Variants in SLC6A3 observed in about 807,000 individuals in gnomAD.
The protein encoded by SLC6A3 is solute carrier family 6 member 3.
A neutral mutation model predicts 70.4 loss-of-function variants in SLC6A3; 19 were observed. The ratio of observed to expected loss-of-function variants is 0.27; its 90% CI spans 0.19 to 0.40. The LOEUF is 0.40. Ranked by LOEUF, SLC6A3 falls within the 10% of genes least tolerant of loss-of-function variation. The pLI, the probability that SLC6A3 is intolerant of heterozygous loss-of-function variation, is 1.00. For synonymous variants in SLC6A3, 368 were observed against 356.6 expected, an observed-to-expected ratio of 1.03 and a Z score of -0.36; for missense variants, 613 against 838.5, an observed-to-expected ratio of 0.73 and a Z score of 3.32.
intron 8 of SLC6A3, among the ~76,000 whole-genome samples, chr5:1,412,384 G>A (rs763128963): frequency 3.3e-5 from 5 of 152,210 alleles, no homozygotes; most frequent in Non-Finnish European, 7.3e-5. Context: ...TGGTGGCTTC[G>A]GAGATAAGAG....
Position 1,442,907 on chromosome 5 carries a change from C to CT in SLC6A3, c.286+4dup, listed in dbSNP as rs752095293. 1.9e-6 allele frequency: 3 copies of CT among 1,614,184 alleles called. No individual in the cohort carries two copies. Among genetic ancestry groups the CT allele is most frequent in the Non-Finnish European group, 2.5e-6 (3 of 1,180,016 alleles). On this transcript the variant is annotated splice_donor_region_variant and intron_variant, in intron 2 of 14. Coordinates refer to ENST00000270349, the MANE Select transcript of SLC6A3 (RefSeq NM_001044.5). The surrounding 1 kb of genome is among the most constrained non-coding windows in gnomAD (Gnocchi z 5.0). ...CATGCTCAGGGAGGCTGAGATGGGA[C>CT]TTACCGCCACCATTTTTGTAGCACA... is the stretch of plus-strand genomic sequence containing the variant.
Position 1,442,937 on chromosome 5 carries a change from G to C in SLC6A3, c.261C>G (p.Pro87=). The change falls in exon 2 of 15, where the codon CCC becomes CCG. Residue 87 remains proline (P), a synonymous_variant. Transcript: ENST00000270349. The surrounding 1 kb of genome is among the most constrained non-coding windows in gnomAD (Gnocchi z 5.0). Reference sequence around the variant, plus strand: ...CGCCACCATTTTTGTAGCACAGGTAGGGGAACCGCCAGACGTTGGCCAGGT... The same window carrying C: ...CGCCACCATTTTTGTAGCACAGGTACGGGAACCGCCAGACGTTGGCCAGGT... The part of the protein sequence containing the change: ...AVDLANVWRF[P]YLCYKNGGGA... 6.2e-7 allele frequency: 1 copy of C among 1,614,214 alleles called. No homozygotes were observed. Among genetic ancestry groups the C allele is most frequent in the Non-Finnish European group, 8.5e-7 (1 of 1,180,040 alleles).
Position 1,409,742 on chromosome 5 carries a change from C to A in SLC6A3, c.1377G>T (p.Leu459=). 1.2e-6 allele frequency: 2 copies of A among 1,613,398 alleles called. No individual in the cohort carries two copies. The highest frequency in any genetic ancestry group is 1.7e-6 in the Non-Finnish European group (2 of 1,180,010). Residue 459 remains leucine, a synonymous_variant, in exon 10 of 15, where the codon CTG becomes CTT. Transcript: ENST00000270349. Reference sequence around the variant, plus strand: ...GTACGTTGGTGACGCAGAACAGGGACAGGAGGAAGGTCGCCAGGACGATGA... The same window carrying A: ...GTACGTTGGTGACGCAGAACAGGGAAAGGAGGAAGGTCGCCAGGACGATGA... ...TLFIVLATFL[L]SLFCVTNGGI...
chr5:1,398,988 T>C (rs1755782121), intron 14 of SLC6A3, among the ~76,000 whole-genome samples: 1 of 152,222 alleles, frequency 6.6e-6, no homozygotes, highest in African/African-American at 2.4e-5. Context: ...TATATAACCC[T>C]ACTCAAATGG....
chr5:1,396,944 G>T lies in SLC6A3; in HGVS notation c.1840-2186C>A, dbSNP rs1324562270. 2.0e-5 allele frequency among the ~76,000 whole-genome samples: 3 copies of T among 152,180 alleles called. No homozygotes were observed. Among genetic ancestry groups the T allele is most frequent in the Non-Finnish European group, 4.4e-5 (3 of 68,038 alleles). The stretch of plus-strand genomic sequence containing the variant: ...GACGCAGATACAGAATGGGTGAGGG[G>T]CAGGCAGTTTCCACAGTGCCTAGTT... On this transcript the variant is annotated intron_variant, in intron 14 of 14. Coordinates refer to ENST00000270349, the MANE Select transcript of SLC6A3 (RefSeq NM_001044.5). This position sits in a 1 kb window ranked among gnomAD's most constrained non-coding sequence, Gnocchi z 7.0.
chr5:1,410,827 T>C (rs575223458), intron 9 of SLC6A3, among the ~76,000 whole-genome samples: 4 of 151,910 alleles, frequency 2.6e-5, no homozygotes, highest in Admixed American at 2.0e-4. Context: ...CATGCGTGTG[T>C]GCATGTGTGT....
chr5:1,395,123 G>T (rs1755684139), intron 14 of SLC6A3, among the ~76,000 whole-genome samples: 1 of 152,176 alleles, frequency 6.6e-6, no homozygotes, highest in Non-Finnish European at 1.5e-5. Context: ...AGCGACTTGG[G>T]TGTGACGTGG....
chr5:1,411,246 G>A lies in SLC6A3; in HGVS notation c.1266C>T (p.Ser422=), dbSNP rs1246818027. 16 of 1,548,046 alleles carry A rather than the reference G, an allele frequency of 1.0e-5. No individual in the cohort carries two copies. The East Asian group carries it at 1.2e-4, about 12-fold the overall frequency. Residue 422 remains serine, a synonymous_variant, in exon 9 of 15, where the codon AGC becomes AGT. Transcript: ENST00000270349. The surrounding 1 kb of genome is among the most constrained non-coding windows in gnomAD (Gnocchi z 6.5). ...CCGGGCGGTGCGGGTTACTCACGGCGCTGTCGATACCCAGGGTGAGCAGCA... is the reference window on the plus strand; with the variant it reads ...CCGGGCGGTGCGGGTTACTCACGGCACTGTCGATACCCAGGGTGAGCAGCA... ...FIMLLTLGID[S]AMGGMESVIT... is the part of the protein sequence containing the mutation.
rs201161493 is a variant in SLC6A3, at chr5:1,396,614, T to TGCTGGGTTCAGACGA, written c.1840-1857_1840-1856insTCGTCTGAACCCAGC. On this transcript the variant is annotated intron_variant, in intron 14 of 14. Transcript: ENST00000270349. The surrounding 1 kb of genome is among the most constrained non-coding windows in gnomAD (Gnocchi z 7.0). ...ACCCGGGACAATGGCCCAGGACCCC[T>TGCTGGGTTCAGACGA]GCTGAGGGTTCAGACGAGCACATCC... Among the ~76,000 whole-genome samples, 3,968 of 152,258 alleles carry TGCTGGGTTCAGACGA rather than the reference T, an allele frequency of 0.026. 75 individuals are homozygous for TGCTGGGTTCAGACGA. Among genetic ancestry groups the TGCTGGGTTCAGACGA allele is most frequent in the Middle Eastern group, 0.099 (29 of 294 alleles).
intron 6 of SLC6A3, among the ~76,000 whole-genome samples, 194 bp downstream of exon 6, chr5:1,420,375 T>C (rs2126367565): frequency 6.6e-6 from 1 of 152,354 alleles, no homozygotes; most frequent in Admixed American, 6.5e-5. Context: ...AGCCTGAGTC[T>C]AGATGGAGTT....
At chr5:1,429,441 T>TTTCC (rs1197024037) in intron 4 of SLC6A3, among the ~76,000 whole-genome samples, 2 of 152,038 alleles carry the variant, frequency 1.3e-5, no homozygotes, top group African/African-American at 2.4e-5. Flanking sequence ...CACCTTTCTG[T>TTTCC]TTCCTTCCTT....
At chr5:1,429,763 C>A (rs776358167) in intron 4 of SLC6A3, among the ~76,000 whole-genome samples, 1 of 152,192 alleles carries the variant, frequency 6.6e-6, no homozygotes, top group Non-Finnish European at 1.5e-5. Flanking sequence ...GTGTGCCCCC[C>A]ACTTTCTCCT....
chr5:1,433,625 ATGGCCATCCACATCCACCCC>A (rs1756759631), intron 3 of SLC6A3, among the ~76,000 whole-genome samples: 1 of 152,008 alleles, frequency 6.6e-6, no homozygotes, highest in Admixed American at 6.6e-5. Flanking sequence ...ACAGTCATCC[ATGGCCATCCACATCCACCCC>A]TGGCCATCCA....
rs775870785 is a variant in SLC6A3 at position 1,443,211 on chromosome 5, G to A, written c.-14C>T. ...GCTCTTACTCATGGGCACACTGGGA[G>A]TTGAGGAATTCTGTGCTTCTTCCCT... On this transcript the variant is annotated 5_prime_UTR_variant, in exon 2 of 15. Transcript: ENST00000270349. The A allele has an allele frequency of 1.9e-6, 3 of 1,613,960 alleles. No homozygotes were observed. The Admixed American group carries it at 5.0e-5, about 27-fold the overall frequency.
chr5:1,433,538 C>T (rs541189574), intron 3 of SLC6A3, among the ~76,000 whole-genome samples: 23 of 152,034 alleles, frequency 1.5e-4, no homozygotes, highest in Non-Finnish European at 2.9e-4. Flanking sequence ...TAGCCATCCT[C>T]AACCATTCAT....
At chr5:1,439,736 C>G (rs1392717904) in intron 3 of SLC6A3, among the ~76,000 whole-genome samples, 1 of 152,202 alleles carries the variant, frequency 6.6e-6, no homozygotes, top group Non-Finnish European at 1.5e-5. Context: ...TTTCTTAATG[C>G]CAATTTTCTG....
chr5:1,408,966 G>A lies in SLC6A3; in HGVS notation c.1498+60C>T, dbSNP rs551121480. On this transcript the variant is annotated intron_variant, in intron 11 of 14. Coordinates refer to ENST00000270349, the MANE Select transcript of SLC6A3 (RefSeq NM_001044.5). The surrounding 1 kb of genome is among the most constrained non-coding windows in gnomAD (Gnocchi z 6.4). ...TTCCTCACGGAGCCTTTTTCAGAAG[G>A]GGAGTGGCACAGCCACCAAACAAGA... 3.7e-4 allele frequency: 444 copies of A among 1,192,186 alleles called. 2 individuals carry two copies. Among genetic ancestry groups the A allele is most frequent in the Middle Eastern group, 2.3e-3 (11 of 4,888 alleles). 73.9% of individuals were successfully genotyped at this position (1,192,186 alleles called of 1,614,324 possible).
rs1396739688 is a variant in SLC6A3, at chr5:1,416,095, C to T, written c.1031+3G>A. On this transcript the variant is annotated splice_donor_region_variant and intron_variant, in intron 7 of 14. Coordinates refer to ENST00000270349, the MANE Select transcript of SLC6A3 (RefSeq NM_001044.5). ...CCCCTGCCTGGCCCTGCTAGGGGCT[C>T]ACCTGTAGCAGTTGTTGGTGAACTT... 1.9e-6 allele frequency: 3 copies of T among 1,610,694 alleles called. No individual in the cohort carries two copies. The highest frequency in any genetic ancestry group is 1.3e-5 in the African/African-American group (1 of 74,848).
chr5:1,408,083 C>T lies in SLC6A3; in HGVS notation c.1498+943G>A, dbSNP rs1310068679. Among the ~76,000 whole-genome samples the T allele has an allele frequency of 1.3e-5, 2 of 152,094 alleles. No homozygotes were observed. The highest frequency in any genetic ancestry group is 2.9e-5 in the Non-Finnish European group (2 of 68,034). On this transcript the variant is annotated intron_variant, in intron 11 of 14. Coordinates refer to ENST00000270349, the MANE Select transcript of SLC6A3 (RefSeq NM_001044.5). This position sits in a 1 kb window ranked among gnomAD's most constrained non-coding sequence, Gnocchi z 6.4. ...TGGTGCAATCTCGGGTGACTGCAAC[C>T]TCCGCCTTCCGGGTTCAAGCTGAAT... is the stretch of plus-strand genomic sequence containing the variant.
Sources: allele counts gnomAD v4.1 joint callset (sites outside exome capture counted in the v4.1 genomes callset), GRCh38; gene constraint gnomAD v4.1.1; non-coding constraint Gnocchi (gnomAD v3.1); transcripts MANE v1.5; gene names NCBI Gene and HGNC (gene_info 2026-07-23, HGNC 2026-07-21).